Variants in RNF4 observed in about 807,000 individuals in gnomAD.
The protein encoded by RNF4 is E3 ubiquitin-protein ligase RNF4.
A neutral mutation model predicts 24.3 loss-of-function variants in RNF4; 7 were observed. That is an observed-to-expected ratio of 0.29 (90% CI 0.16 to 0.54). RNF4 has a LOEUF of 0.54. Among genes scored for constraint, RNF4 ranks in the 20% least tolerant of loss-of-function variants. The pLI, the probability that RNF4 is intolerant of heterozygous loss-of-function variation, is 0.95. For synonymous variants in RNF4, 83 were observed against 84.3 expected (o/e 0.98, Z 0.09); for missense variants, 209 against 248.5 (o/e 0.84, Z 1.07).
chr4:2,474,484 A>G (rs968238564), intron 1 of RNF4, among the ~76,000 whole-genome samples: 5 of 152,166 alleles, frequency 3.3e-5, no homozygotes, highest in African/African-American at 1.2e-4. Flanking sequence ...TGGACAGGCA[A>G]AGAAAGTGGT....
intron 1 of RNF4, chr4:2,471,173 G>T (rs909413236): frequency 6.6e-6 from 1 of 151,984 alleles, no homozygotes; most frequent in African/African-American, 2.4e-5. Context: ...CACCATATTG[G>T]CCAGGCTGGT....
intron 4 of RNF4, 115 bp from the exon 5 acceptor site, chr4:2,511,841 C>T (rs1354733807): frequency 2.8e-6 from 3 of 1,073,648 alleles, no homozygotes; most frequent in South Asian, 1.4e-5. Context: ...CTCTGCTGCT[C>T]ACCAGAGGGT....
intron 1 of RNF4, chr4:2,470,963 T>G (rs1193783195): frequency 1.7e-4 from 1 of 5,982 alleles, no homozygotes; most frequent in African/African-American, 7.5e-4. Context: ...TATTTCACAC[T>G]TTTTTTTTTT....
At chr4:2,486,525 A>G (rs533678891) in intron 1 of RNF4, among the ~76,000 whole-genome samples, 1 of 152,272 alleles carries the variant, frequency 6.6e-6, no homozygotes, top group Non-Finnish European at 1.5e-5. Context: ...CAAAAGAGAG[A>G]GAAAAACCAG....
At chr4:2,503,240 C>T (rs1315522225) in intron 4 of RNF4, among the ~76,000 whole-genome samples, 1 of 152,134 alleles carries the variant, frequency 6.6e-6, no homozygotes, top group East Asian at 1.9e-4. Flanking sequence ...ACTTCCCTAC[C>T]TTTCTTCTGT....
intron 3 of RNF4, among the ~76,000 whole-genome samples, chr4:2,498,694 C>T (rs1428088732): frequency 1.3e-5 from 2 of 152,040 alleles, no homozygotes; most frequent in Non-Finnish European, 2.9e-5. Flanking sequence ...TAAAACAGGC[C>T]AGCCAGATTG....
Position 2,502,246 on chromosome 4 carries a change from C to T in RNF4, c.204+1508C>T, listed in dbSNP as rs549171447. Among the ~76,000 whole-genome samples, 11 of 152,284 alleles carry T rather than the reference C, an allele frequency of 7.2e-5. 1 individual carries two copies. The South Asian group carries it at 2.3e-3, about 32-fold the overall frequency. On this transcript the variant is annotated intron_variant, in intron 4 of 7. Transcript: ENST00000314289. ...GTTTTTCTTGAATACTCAGTGTTCA[C>T]CACAGTCTTCTTGGCCTTCTCTCTG...
At chr4:2,502,044 C>T (rs916451699) in intron 4 of RNF4, among the ~76,000 whole-genome samples, 4 of 152,108 alleles carry the variant, frequency 2.6e-5, no homozygotes, top group Admixed American at 6.5e-5. Context: ...GCTTATCATC[C>T]CTGTGTCCTG....
Position 2,500,729 on chromosome 4 carries a change from C to T in RNF4, c.195C>T (p.Asp65=). Residue 65 remains aspartate (D), a synonymous_variant, in exon 4 of 8, where the codon GAC becomes GAT. Coordinates refer to ENST00000314289, the MANE Select transcript of RNF4 (RefSeq NM_002938.5). ...TGGTGGTTGATCTGACTCACAATGA[C>T]TCTGTTGTGGTAAGTGTTGGAGTGT... ...EPVVVDLTHN[D]SVVIVDERRR... 1.2e-6 allele frequency: 2 copies of T among 1,613,822 alleles called. No homozygotes were observed. Among genetic ancestry groups the T allele is most frequent in the South Asian group, 1.1e-5 (1 of 91,052 alleles).
At chr4:2,484,773 C>G (rs1362942284) in intron 1 of RNF4, among the ~76,000 whole-genome samples, 1 of 152,152 alleles carries the variant, frequency 6.6e-6, no homozygotes, top group East Asian at 1.9e-4. Context: ...AGTCACCTCT[C>G]TGTCCTATAC....
At chr4:2,470,225 C>T (rs1734860117) in intron 1 of RNF4, among the ~76,000 whole-genome samples, 1 of 152,188 alleles carries the variant, frequency 6.6e-6, no homozygotes, top group South Asian at 2.1e-4. Flanking sequence ...GTGGTCTGCC[C>T]AAGGTCACAT....
intron 3 of RNF4, among the ~76,000 whole-genome samples, chr4:2,499,974 G>T (rs1410554998): frequency 6.6e-6 from 1 of 152,178 alleles, no homozygotes; most frequent in East Asian, 1.9e-4. Flanking sequence ...GGCCAAGATG[G>T]TGAAACCCCA....
chr4:2,489,547 C>T (rs560997297), intron 1 of RNF4, among the ~76,000 whole-genome samples: 2 of 152,288 alleles, frequency 1.3e-5, no homozygotes, highest in Non-Finnish European at 2.9e-5. Context: ...TTAACGAGCC[C>T]TCTGTGGGGG....
chr4:2,483,758 C>T (rs1160622259), intron 1 of RNF4, among the ~76,000 whole-genome samples: 2 of 151,994 alleles, frequency 1.3e-5, no homozygotes, highest in Non-Finnish European at 2.9e-5. Context: ...CAGCCAAGAT[C>T]ACACCACTGC....
Position 2,473,266 on chromosome 4 carries a change from C to T in RNF4, c.-158+4008C>T, listed in dbSNP as rs111772927. 1.3e-4 allele frequency among the ~76,000 whole-genome samples: 20 copies of T among 151,930 alleles called. 2 individuals are homozygous for T. The highest frequency in any genetic ancestry group is 4.8e-4 in the African/African-American group (20 of 41,406). On this transcript the variant is annotated intron_variant, in intron 1 of 7. Transcript: ENST00000314289. ...AGGCATGGTGGCACGCTCCTGTAGT[C>T]CCAGCTACTTGAGGAGCTGAGGTAG...
intron 4 of RNF4, among the ~76,000 whole-genome samples, chr4:2,504,610 G>T (rs1277618887): frequency 6.6e-6 from 1 of 151,222 alleles, no homozygotes; most frequent in Non-Finnish European, 1.5e-5. Context: ...GAGTGCAGTG[G>T]CGTGATCTTG....
intron 1 of RNF4, among the ~76,000 whole-genome samples, chr4:2,475,732 T>C (rs1735051169): frequency 6.6e-6 from 1 of 152,202 alleles, no homozygotes; most frequent in Non-Finnish European, 1.5e-5. Context: ...TTAATATCTA[T>C]GGTTGAGTGA....
chr4:2,512,423 G>A lies in RNF4; in HGVS notation c.215-15G>A. On this transcript the variant is annotated splice_polypyrimidine_tract_variant and intron_variant, in intron 5 of 7. Coordinates refer to ENST00000314289, the MANE Select transcript of RNF4 (RefSeq NM_002938.5). The surrounding 1 kb of genome is among the most constrained non-coding windows in gnomAD (Gnocchi z 4.1). ...TAGAGAGCCTCCAACCTGAAAATGT[G>A]ACCTCTTACCTTAGAAAGAAGAAGA... 1 of 1,599,864 alleles carries A rather than the reference G, an allele frequency of 6.3e-7. No homozygotes were observed. The highest frequency in any genetic ancestry group is 1.3e-5 in the African/African-American group (1 of 74,626).
At chr4:2,509,748 A>G (rs1736213863) in intron 4 of RNF4, among the ~76,000 whole-genome samples, 1 of 152,192 alleles carries the variant, frequency 6.6e-6, no homozygotes, top group South Asian at 2.1e-4. Flanking sequence ...GACTCACAAG[A>G]GACCATAAAG....
Sources: gnomAD v4.1 joint callset for allele counts (sites outside exome capture counted in the v4.1 genomes callset) on GRCh38, gnomAD v4.1.1 for gene constraint, Gnocchi (gnomAD v3.1) non-coding constraint, MANE v1.5 for transcripts, NCBI Gene and HGNC (gene_info 2026-07-23, HGNC 2026-07-21) for gene names.